PDE4D: variants seen among roughly 807,000 people sequenced by gnomAD.
PDE4D encodes the protein phosphodiesterase 4D.
In PDE4D, 24 loss-of-function variants were observed where a neutral mutation model predicts 87.4. The ratio of observed to expected loss-of-function variants is 0.27; its 90% CI spans 0.20 to 0.39. PDE4D has a LOEUF of 0.39. PDE4D is among the 10% of genes least tolerant of loss of function. PDE4D has a pLI of 1.00. For synonymous variants in PDE4D, 384 were observed against 383.2 expected (o/e 1.00, Z -0.02); for missense variants, 714 against 1,041.0 (o/e 0.69, Z 4.32).
chr5:58,979,076 T>C (rs989231649), intron 11 of PDE4D, among the ~76,000 whole-genome samples: 1 of 152,188 alleles, frequency 6.6e-6, no homozygotes, highest in East Asian at 1.9e-4. Flanking sequence ...AATTGGCTTA[T>C]ATGAAGCTGA....
At chr5:60,164,461 G>A (rs1782719304) in intron 2 of PDE4D, among the ~76,000 whole-genome samples, 1 of 152,010 alleles carries the variant, frequency 6.6e-6, no homozygotes, top group African/African-American at 2.4e-5. Context: ...TTCTATTTAA[G>A]CAATCAAAAA....
chr5:59,022,253 C>T (rs148035631), intron 6 of PDE4D, among the ~76,000 whole-genome samples: 1 of 152,250 alleles, frequency 6.6e-6, no homozygotes, highest in African/African-American at 2.4e-5. Flanking sequence ...ATGAACCCTG[C>T]GGTGGAAAGG....
intron 1 of PDE4D, among the ~76,000 whole-genome samples, chr5:59,267,636 T>A (rs768268952): frequency 6.6e-6 from 1 of 152,130 alleles, no homozygotes; most frequent in Non-Finnish European, 1.5e-5. Flanking sequence ...AGAATTGGTT[T>A]ATCTATTGAT....
chr5:59,847,695 G>A (rs1744067925), intron 1 of PDE4D, among the ~76,000 whole-genome samples: 1 of 152,002 alleles, frequency 6.6e-6, no homozygotes, highest in South Asian at 2.1e-4. Flanking sequence ...TCCCAAATTA[G>A]GCAAACAACC....
chr5:60,153,936 A>G (rs117127981), intron 2 of PDE4D, among the ~76,000 whole-genome samples: 1 of 152,354 alleles, frequency 6.6e-6, no homozygotes, highest in East Asian at 1.9e-4. Context: ...GAGATTGTCA[A>G]TACAATATTG....
intron 6 of PDE4D, among the ~76,000 whole-genome samples, chr5:58,994,329 T>C (rs1335852234): frequency 2.0e-5 from 3 of 152,156 alleles, no homozygotes; most frequent in Non-Finnish European, 4.4e-5. Context: ...CTCCCAAAGA[T>C]TTTACACTTC....
intron 5 of PDE4D, among the ~76,000 whole-genome samples, chr5:59,166,665 C>A (rs1266827143): frequency 1.3e-5 from 2 of 152,196 alleles, no homozygotes; most frequent in Non-Finnish European, 2.9e-5. Context: ...TTAAAAAACT[C>A]TTTAAAATCC....
intron 1 of PDE4D, among the ~76,000 whole-genome samples, chr5:60,377,754 T>C (rs750300498): frequency 2.6e-5 from 4 of 152,130 alleles, no homozygotes; most frequent in African/African-American, 9.7e-5. Context: ...CAAAAATTTA[T>C]AATTAAATGA....
chr5:59,870,356 A>G (rs1267532248), intron 1 of PDE4D, among the ~76,000 whole-genome samples: 1 of 152,240 alleles, frequency 6.6e-6, no homozygotes, highest in Non-Finnish European at 1.5e-5. Context: ...ATTCTTTTAC[A>G]AAGTGATATG....
At chr5:59,589,237 CATA>C (rs958807267) in intron 1 of PDE4D, among the ~76,000 whole-genome samples, 6 of 152,322 alleles carry the variant, frequency 3.9e-5, no homozygotes, top group African/African-American at 1.2e-4. Context: ...CCTCTGTAAT[CATA>C]ATAATACCAC....
chr5:59,170,422 A>C (rs1374149026), intron 5 of PDE4D, among the ~76,000 whole-genome samples: 1 of 152,240 alleles, frequency 6.6e-6, no homozygotes, highest in Non-Finnish European at 1.5e-5. Context: ...TTATTTTAAA[A>C]TACAGTTAAT....
chr5:59,202,201 A>G lies in PDE4D; in HGVS notation c.648-8665T>C, dbSNP rs551764673. Among the ~76,000 whole-genome samples the G allele has an allele frequency of 3.8e-4, 58 of 151,760 alleles. No homozygotes were observed. The East Asian group carries it at 9.5e-3, about 25-fold the overall frequency. On this transcript the variant is annotated intron_variant, in intron 2 of 14. Coordinates refer to ENST00000340635, the MANE Select transcript of PDE4D (RefSeq NM_001104631.2). ...ACTACAGGCGCCTGCCACCATGCCC[A>G]GCTAATTTTTTTGTATTTTTAGTAG...
rs1779142169 is a variant in PDE4D, at chr5:59,149,452, G to A, written c.808+31143C>T. ...TAACTCCCAAACCGCAGAGAAGCTG[G>A]CTGCAGCATCAAACACTATTAAAAA... On this transcript the variant is annotated intron_variant, in intron 5 of 14. Coordinates refer to ENST00000340635, the MANE Select transcript of PDE4D (RefSeq NM_001104631.2). Among the ~76,000 whole-genome samples, 4 of 152,094 alleles carry A rather than the reference G, an allele frequency of 2.6e-5. No individual in the cohort carries two copies. The South Asian group carries it at 8.3e-4, about 32-fold the overall frequency.
chr5:60,094,588 C>CTTT lies in PDE4D; in HGVS notation c.42+90966_42+90968dup, dbSNP rs3087200. Among the ~76,000 whole-genome samples the CTTT allele has an allele frequency of 1.1e-3, 64 of 58,198 alleles. 5 individuals carry two copies. The highest frequency in any genetic ancestry group is 4.2e-3 in the East Asian group (6 of 1,440). 38.2% of individuals were successfully genotyped at this position (58,198 alleles called of 152,430 possible). On this transcript the variant is annotated intron_variant, in intron 2 of 16. Coordinates refer to the PDE4D transcript ENST00000502484. Reference sequence around the variant, plus strand: ...GCCCTAACCCAATGTGAGTGACATGCTTTTTTTTTTTTTTTTTTTTTTTTT... The same window carrying CTTT: ...GCCCTAACCCAATGTGAGTGACATGCTTTTTTTTTTTTTTTTTTTTTTTTTTTT...
At chr5:59,246,058 T>A (rs922548957) in intron 1 of PDE4D, among the ~76,000 whole-genome samples, 1 of 151,034 alleles carries the variant, frequency 6.6e-6, no homozygotes, top group African/African-American at 2.4e-5. Context: ...AAGGATGGAA[T>A]AACTAGTATC....
chr5:59,265,960 C>A (rs976535438), intron 1 of PDE4D, among the ~76,000 whole-genome samples: 1 of 152,166 alleles, frequency 6.6e-6, no homozygotes, highest in Non-Finnish European at 1.5e-5. Flanking sequence ...CGAATTACAG[C>A]TACTTACTTA....
At chr5:60,223,998 C>T (rs1744802489) in intron 1 of PDE4D, among the ~76,000 whole-genome samples, 1 of 152,068 alleles carries the variant, frequency 6.6e-6, no homozygotes, top group Non-Finnish European at 1.5e-5. Flanking sequence ...AAGTGGGTGG[C>T]TAGCAAGGCT....
At chr5:59,996,935 C>A (rs1014056447) in intron 2 of PDE4D, among the ~76,000 whole-genome samples, 3 of 152,084 alleles carry the variant, frequency 2.0e-5, no homozygotes, top group African/African-American at 7.2e-5. Flanking sequence ...TTAGAAGAGA[C>A]AGAAATCACT....
At chr5:59,303,656 C>T (rs1369795124) in intron 1 of PDE4D, among the ~76,000 whole-genome samples, 1 of 152,034 alleles carries the variant, frequency 6.6e-6, no homozygotes, top group Non-Finnish European at 1.5e-5. Context: ...ATCCTTTTCC[C>T]CACTTTATGT....
Sources: gnomAD v4.1 joint callset for allele counts (sites outside exome capture counted in the v4.1 genomes callset) on GRCh38, gnomAD v4.1.1 for gene constraint, MANE v1.5 for transcripts, NCBI Gene and HGNC (gene_info 2026-07-23, HGNC 2026-07-21) for gene names.